Variants in CAST observed in about 807,000 individuals in gnomAD.
CAST encodes the protein calpastatin.
In CAST, 76 loss-of-function variants were observed where a neutral mutation model predicts 119.6. The ratio of observed to expected loss-of-function variants is 0.64; its 90% confidence interval spans 0.53 to 0.77. The LOEUF (loss-of-function observed/expected upper bound fraction) is 0.77. CAST is among the 30% of genes least tolerant of loss of function. CAST has a pLI of 0.00. For synonymous variants in CAST, 319 were observed against 331.6 expected (o/e 0.96, Z 0.41); for missense variants, 953 against 946.5 (o/e 1.01, Z -0.09).
the CAST span, among the ~76,000 whole-genome samples, chr5:96,071,785 T>A: frequency 2.0e-5 from 3 of 152,154 alleles, no homozygotes. Flanking sequence ...CAGAGATACA[T>A]AATGAAATAT....
the CAST span, chr5:96,433,397 A>G: frequency 2.7e-6 from 1 of 366,782 alleles, no homozygotes; most frequent in Non-Finnish European, 5.3e-6. Flanking sequence ...GCAGCCAGGG[A>G]TTAGGAAAAG....
At chr5:96,253,673 A>T in the CAST span, among the ~76,000 whole-genome samples, 2 of 152,218 alleles carry the variant, frequency 1.3e-5, no homozygotes, top group Admixed American at 6.5e-5. Flanking sequence ...TATTACTGGC[A>T]TCATTCTATT....
the CAST span, among the ~76,000 whole-genome samples, chr5:95,969,472 C>A: frequency 6.6e-6 from 1 of 152,048 alleles, no homozygotes; most frequent in Admixed American, 6.5e-5. Context: ...AGAGGAGGCT[C>A]TGTATCATTT....
At chr5:96,232,998 G>C in the CAST span, among the ~76,000 whole-genome samples, 1 of 151,980 alleles carries the variant, frequency 6.6e-6, no homozygotes, top group East Asian at 1.9e-4. Context: ...GCAGTGCTTG[G>C]AATAGTAAAA....
intron 1 of CAST, among the ~76,000 whole-genome samples, chr5:96,627,777 C>T (rs1018035485): frequency 3.3e-5 from 5 of 152,200 alleles, no homozygotes; most frequent in Non-Finnish European, 7.3e-5. Context: ...TGGTTCTTCA[C>T]GTCCCTTGGA....
chr5:96,721,563 T>C (rs891945960), intron 3 of CAST, among the ~76,000 whole-genome samples: 1 of 152,142 alleles, frequency 6.6e-6, no homozygotes, highest in Non-Finnish European at 1.5e-5. Context: ...TCTTACAGGC[T>C]TCCTTCCCTG....
intron 1 of CAST, among the ~76,000 whole-genome samples, chr5:96,615,148 C>G (rs1397582490): frequency 6.6e-6 from 1 of 152,188 alleles, no homozygotes; most frequent in Non-Finnish European, 1.5e-5. Context: ...TATTATAAAA[C>G]AGGCTTTGTG....
chr5:96,548,783 AC>A (rs1746065568), intron 1 of CAST, among the ~76,000 whole-genome samples: 2 of 152,218 alleles, frequency 1.3e-5, no homozygotes, highest in African/African-American at 4.8e-5. Context: ...AAACAAACAA[AC>A]AAAAACAAAA....
the CAST span, among the ~76,000 whole-genome samples, chr5:96,234,158 G>A: frequency 6.6e-6 from 1 of 152,164 alleles, no homozygotes; most frequent in Non-Finnish European, 1.5e-5. Flanking sequence ...ACTGTAGCCT[G>A]CATCAATTCT....
At chr5:96,680,434 C>T (rs1751271162) in intron 2 of CAST, among the ~76,000 whole-genome samples, 1 of 149,992 alleles carries the variant, frequency 6.7e-6, no homozygotes, top group Non-Finnish European at 1.5e-5. Flanking sequence ...GATTCTAGCA[C>T]CTAGAGAAAT....
chr5:96,667,327 G>A (rs1255074259), intron 1 of CAST, among the ~76,000 whole-genome samples: 2 of 152,136 alleles, frequency 1.3e-5, no homozygotes, highest in Non-Finnish European at 2.9e-5. Flanking sequence ...TGCAGAGTGC[G>A]GTGGACACAA....
chr5:96,328,373 TTCTCTCTCCCTCTCTCTCTCTCTC>T, the CAST span, among the ~76,000 whole-genome samples: 414 of 93,882 alleles, frequency 4.4e-3, 4 homozygotes, highest in Middle Eastern at 0.013. Flanking sequence ...CTGTCTTTCC[TTCTCTCTCCCTCTCTCTCTCTCTC>T]TCTCTCTCTC....
chr5:96,619,517 G>A (rs934253998), intron 1 of CAST, among the ~76,000 whole-genome samples: 14 of 152,202 alleles, frequency 9.2e-5, no homozygotes, highest in African/African-American at 2.7e-4. Context: ...GCAACCTGCT[G>A]GGTCCTCTTC....
intron 4 of CAST, among the ~76,000 whole-genome samples, chr5:96,723,618 T>C (rs1356431316): frequency 1.3e-5 from 2 of 152,198 alleles, no homozygotes; most frequent in African/African-American, 4.8e-5. Flanking sequence ...CTAGTGGTAT[T>C]GTCCACTTTG....
At chr5:96,246,071 C>A in the CAST span, among the ~76,000 whole-genome samples, 1 of 152,056 alleles carries the variant, frequency 6.6e-6, no homozygotes, top group African/African-American at 2.4e-5. Context: ...ACCATAGCAT[C>A]CCTGGTCAGA....
At chr5:96,423,465 A>G in the CAST span, 90 of 1,613,724 alleles carry the variant, frequency 5.6e-5, no homozygotes, top group East Asian at 2.0e-3. Context: ...TCTTGCTGGT[A>G]AAGAAAAACA....
chr5:96,107,475 A>G, the CAST span, among the ~76,000 whole-genome samples: 2 of 150,976 alleles, frequency 1.3e-5, no homozygotes, highest in South Asian at 4.2e-4. Context: ...TTTCTCCTTC[A>G]CTTATGAAGC....
the CAST span, among the ~76,000 whole-genome samples, chr5:96,071,093 C>A: frequency 6.6e-6 from 1 of 152,068 alleles, no homozygotes; most frequent in Admixed American, 6.6e-5. Context: ...TGCCTTAGGC[C>A]AAGATCACGA....
chr5:96,630,897 G>A (rs1311503309), intron 1 of CAST: 1 of 140,396 alleles, frequency 7.1e-6, no homozygotes, highest in African/African-American at 2.5e-5. Flanking sequence ...AAGAAAGAAA[G>A]GTTGTTTTGT....
Sources: allele counts gnomAD v4.1 joint callset (sites outside exome capture counted in the v4.1 genomes callset), GRCh38; gene constraint gnomAD v4.1.1; transcripts MANE v1.5; gene names NCBI Gene and HGNC (gene_info 2026-07-23, HGNC 2026-07-21).